DSCAM: variants seen among roughly 807,000 people sequenced by gnomAD.
The protein encoded by DSCAM is DS cell adhesion molecule.
In DSCAM, 47 loss-of-function variants were observed where a neutral mutation model predicts 217.7. The observed-to-expected ratio is 0.22, with a 90% confidence interval of 0.17 to 0.28. The LOEUF is 0.28. DSCAM is among the 10% of genes least tolerant of loss of function. The pLI, the probability that DSCAM is intolerant of heterozygous loss-of-function variation, is 1.00. For synonymous variants in DSCAM, 1,056 were observed against 1,015.3 expected (o/e 1.04, Z -0.76); for missense variants, 2,080 against 2,618.3 (o/e 0.79, Z 4.49).
chr21:40,327,531 C>T (rs2074330939), intron 8 of DSCAM, among the ~76,000 whole-genome samples: 1 of 151,762 alleles, frequency 6.6e-6, no homozygotes, highest in African/African-American at 2.4e-5. Flanking sequence ...ATCTGAATGC[C>T]TTGTATTTCT....
At chr21:40,692,109 A>G (rs1311046087) in intron 3 of DSCAM, among the ~76,000 whole-genome samples, 1 of 152,240 alleles carries the variant, frequency 6.6e-6, no homozygotes, top group Non-Finnish European at 1.5e-5. Flanking sequence ...CAGCCAACAC[A>G]TTTTGAGATA....
chr21:40,765,353 T>G (rs34884265), intron 1 of DSCAM, among the ~76,000 whole-genome samples: 47,359 of 151,882 alleles, frequency 0.31, 8,551 homozygotes, highest in Non-Finnish European at 0.4. Context: ...CACTTCCTCC[T>G]CCTCCTCTGC....
Position 40,075,073 on chromosome 21 carries a change from T to A in DSCAM, c.4852A>T (p.Arg1618Trp). 1 of 1,614,126 alleles carries A rather than the reference T, an allele frequency of 6.2e-7. No individual in the cohort carries two copies. The highest frequency in any genetic ancestry group is 8.5e-7 in the Non-Finnish European group (1 of 1,180,016). Residue 1618 changes from arginine to tryptophan, a missense_variant, in exon 27 of 33, where the codon AGG becomes TGG. This residue lies in a region of DSCAM where 1,144 missense variants were observed against 1,421.1 expected (regional missense o/e 0.81). Coordinates refer to ENST00000400454, the MANE Select transcript of DSCAM (RefSeq NM_001389.5). ...TTTAGCCTCTGCTCCCGCCGCCTCCTCCGCACAACCAGCAGGAGCACAAAC... is the reference window on the plus strand; with the variant it reads ...TTTAGCCTCTGCTCCCGCCGCCTCCACCGCACAACCAGCAGGAGCACAAAC... ...LLFVLLLVVR[R>W]RRREQRLKRL... is the part of the protein sequence containing the mutation.
chr21:40,474,356 C>G (rs144628393), intron 3 of DSCAM, among the ~76,000 whole-genome samples: 12 of 151,990 alleles, frequency 7.9e-5, no homozygotes, highest in Admixed American at 6.6e-4. Flanking sequence ...ATATTCAGTA[C>G]TGGAAAATTC....
At chr21:40,216,266 C>T (rs1008838486) in intron 11 of DSCAM, among the ~76,000 whole-genome samples, 2 of 151,424 alleles carry the variant, frequency 1.3e-5, no homozygotes, top group East Asian at 1.9e-4. Flanking sequence ...AGCATGCCTG[C>T]CTAATTTAAA....
In DSCAM at chr21:40,616,025, G is replaced by A. The variant is rs557460707; in HGVS notation, c.508+76785C>T. ...ACACACACATGCATACAAGATCCAT[G>A]CAAACAACACAAGAGGCCTCGGTTA... is the stretch of plus-strand genomic sequence containing the variant. On this transcript the variant is annotated intron_variant, in intron 3 of 32. Transcript: ENST00000400454. Among the ~76,000 whole-genome samples the A allele has an allele frequency of 6.6e-5, 10 of 151,492 alleles. No individual in the cohort carries two copies. In the East Asian group the frequency reaches 1.9e-3, roughly 29 times the overall value.
At chr21:40,639,445 A>T (rs764526359) in intron 3 of DSCAM, among the ~76,000 whole-genome samples, 60 of 152,250 alleles carry the variant, frequency 3.9e-4, no homozygotes, top group Non-Finnish European at 7.4e-4. Flanking sequence ...ATAGATTTGA[A>T]TTTATTTTGT....
chr21:40,385,394 A>C (rs1359745380), intron 3 of DSCAM: 1 of 152,230 alleles, frequency 6.6e-6, no homozygotes, highest in Non-Finnish European at 1.5e-5. Context: ...CCCAGTCCCT[A>C]GAACACATAC....
intron 20 of DSCAM, among the ~76,000 whole-genome samples, chr21:40,096,250 C>T (rs2089675176): frequency 6.6e-6 from 1 of 152,180 alleles, no homozygotes; most frequent in Admixed American, 6.5e-5. Flanking sequence ...GTTGTCCCGC[C>T]TTTGCTTCAA....
At chr21:40,734,008 C>G (rs1225332050) in intron 1 of DSCAM, among the ~76,000 whole-genome samples, 1 of 152,084 alleles carries the variant, frequency 6.6e-6, no homozygotes, top group South Asian at 2.1e-4. Context: ...ATCCGTAAAC[C>G]CCGACATCAC....
intron 3 of DSCAM, among the ~76,000 whole-genome samples, chr21:40,509,430 G>A (rs1224904475): frequency 6.6e-6 from 1 of 152,210 alleles, no homozygotes; most frequent in Non-Finnish European, 1.5e-5. Context: ...GTGGCCAAAG[G>A]AGATTTGATT....
At chr21:40,397,614 C>G (rs2075191692) in intron 3 of DSCAM, among the ~76,000 whole-genome samples, 2 of 152,134 alleles carry the variant, frequency 1.3e-5, no homozygotes, top group African/African-American at 4.8e-5. Flanking sequence ...GCCTAAAACA[C>G]TCAGTGATTG....
rs569554530 is a variant in DSCAM, at chr21:40,052,205, T to A, written c.5036-98A>T. 3 of 1,347,744 alleles carry A rather than the reference T, an allele frequency of 2.2e-6. No homozygotes were observed. In the African/African-American group the frequency reaches 4.4e-5, roughly 20 times the overall value. 83.5% of individuals were successfully genotyped at this position (1,347,744 alleles called of 1,614,324 possible). A position where few individuals can be genotyped will look rare whatever the true frequency, so the allele number is the denominator to read the frequency against. ...CCTGAGGCACTTGTGTTATTGTTAA[T>A]GACAACCACAATAATAGCCCCATCT... On this transcript the variant is annotated intron_variant, in intron 29 of 32. Coordinates refer to ENST00000400454, the MANE Select transcript of DSCAM (RefSeq NM_001389.5).
chr21:40,551,216 A>C (rs1346465670), intron 3 of DSCAM, among the ~76,000 whole-genome samples: 1 of 152,222 alleles, frequency 6.6e-6, no homozygotes, highest in Admixed American at 6.5e-5. Context: ...ATAAGACATC[A>C]ATCAATACAT....
Position 40,415,975 on chromosome 21 carries a change from CA to C in DSCAM, c.509-46731del, listed in dbSNP as rs1206133063. ...AAAAAGGTTGGGAACTACAGGCACA[CA>C]GGATTACTTCAAACTTCCAAAATAG... On this transcript the variant is annotated intron_variant, in intron 3 of 32. Transcript: ENST00000400454. 2.0e-5 allele frequency among the ~76,000 whole-genome samples: 3 copies of C among 152,312 alleles called. No homozygotes were observed. The East Asian group carries it at 5.8e-4, about 29-fold the overall frequency.
chr21:40,813,359 T>C (rs746531053), intron 1 of DSCAM, among the ~76,000 whole-genome samples: 2 of 152,172 alleles, frequency 1.3e-5, no homozygotes, highest in Admixed American at 6.5e-5. Context: ...TGGGTTTGAT[T>C]TGTTCTTGTT....
At chr21:40,098,174 T>G (rs2089707356) in intron 20 of DSCAM, among the ~76,000 whole-genome samples, 1 of 151,988 alleles carries the variant, frequency 6.6e-6, no homozygotes. Context: ...AGACAGAAAT[T>G]TCATAACGAT....
chr21:40,430,951 G>A (rs751228657), intron 3 of DSCAM, among the ~76,000 whole-genome samples: 6 of 152,218 alleles, frequency 3.9e-5, no homozygotes, highest in African/African-American at 4.8e-5. Flanking sequence ...GAGAGAAGCC[G>A]CTACTGAGAC....
At chr21:40,322,971 G>T (rs1247264719) in intron 8 of DSCAM, among the ~76,000 whole-genome samples, 1 of 152,218 alleles carries the variant, frequency 6.6e-6, no homozygotes, top group Non-Finnish European at 1.5e-5. Context: ...TTCATGGGGT[G>T]ATGTCATCTG....
Sources: gnomAD v4.1 joint callset for allele counts (sites outside exome capture counted in the v4.1 genomes callset) on GRCh38, gnomAD v4.1.1 for gene constraint, gnomAD v4.1.1 regional missense constraint, MANE v1.5 for transcripts, NCBI Gene and HGNC (gene_info 2026-07-23, HGNC 2026-07-21) for gene names.